Variants in FHIT observed in about 807,000 individuals in gnomAD.
FHIT encodes the protein fragile histidine triad diadenosine triphosphatase.
Under a neutral mutation model 17.9 loss-of-function variants are expected in FHIT, and 19 were observed. The ratio of observed to expected loss-of-function variants is 1.06; its 90% CI spans 0.74 to 1.56. The LOEUF (loss-of-function observed/expected upper bound fraction) is 1.56, where lower values mean the gene tolerates loss of function less well. FHIT is among the 40% of genes most tolerant of loss of function. The probability of loss-of-function intolerance (pLI) is 0.00; values close to 1 mark genes in which losing one functional copy is unlikely to be tolerated. For missense variants in FHIT, 248 were observed against 189.2 expected (o/e 1.31, Z -1.82); for synonymous variants, 81 against 69.7 (o/e 1.16, Z -0.81).
chr3:60,828,478 A>G (rs987831000), intron 3 of FHIT, among the ~76,000 whole-genome samples: 5 of 152,124 alleles, frequency 3.3e-5, no homozygotes, highest in African/African-American at 9.7e-5. Context: ...GCTAGGGGCT[A>G]GGGTACATAG....
At chr3:60,305,327 T>C (rs1034145072) in intron 5 of FHIT, among the ~76,000 whole-genome samples, 2 of 152,114 alleles carry the variant, frequency 1.3e-5, no homozygotes, top group Non-Finnish European at 2.9e-5. Flanking sequence ...GAGTTTGATG[T>C]AGTGGGGACA....
rs142962908 is a variant in FHIT at position 60,268,763 on chromosome 3, C to T, written c.104-254611G>A. Among the ~76,000 whole-genome samples the T allele has an allele frequency of 4.0e-3, 606 of 152,196 alleles. 5 individuals carry two copies. Among genetic ancestry groups the T allele is most frequent in the South Asian group, 0.036 (174 of 4,824 alleles). ...CTAATACTCAGAACCTCTGAATATG[C>T]TTACATGGGAAAGGGGCATTAAGGT... On this transcript the variant is annotated intron_variant, in intron 5 of 9. Coordinates refer to ENST00000492590, the MANE Select transcript of FHIT (RefSeq NM_002012.4).
chr3:60,574,587 G>T (rs1176295258), intron 4 of FHIT, among the ~76,000 whole-genome samples: 1 of 151,968 alleles, frequency 6.6e-6, no homozygotes. Context: ...AAGAATCCCA[G>T]GCTGGGAATG....
chr3:60,890,750 GC>G (rs1291823984), intron 3 of FHIT, among the ~76,000 whole-genome samples: 1 of 152,182 alleles, frequency 6.6e-6, no homozygotes, highest in Non-Finnish European at 1.5e-5. Flanking sequence ...AGAACAGACT[GC>G]CCTAGGACAG....
chr3:60,588,547 A>T (rs1344906933), intron 4 of FHIT, among the ~76,000 whole-genome samples: 1 of 152,012 alleles, frequency 6.6e-6, no homozygotes, highest in Non-Finnish European at 1.5e-5. Flanking sequence ...GAATCTTCTC[A>T]GGCTGGGGGT....
intron 2 of FHIT, among the ~76,000 whole-genome samples, chr3:61,162,777 G>C (rs1030934441): frequency 3.9e-5 from 6 of 152,086 alleles, no homozygotes; most frequent in Non-Finnish European, 5.9e-5. Flanking sequence ...ATTGTGTTCT[G>C]TTCTCTGGAG....
Position 60,728,009 on chromosome 3 carries a change from T to C in FHIT, c.-18+93910A>G, listed in dbSNP as rs2041952922. 2.6e-5 allele frequency among the ~76,000 whole-genome samples: 4 copies of C among 152,036 alleles called. No individual in the cohort carries two copies. The South Asian group carries it at 8.3e-4, about 32-fold the overall frequency. On this transcript the variant is annotated intron_variant, in intron 4 of 9. Transcript: ENST00000492590. ...ACAGGGCGAGACTCCGTCTCAAAAATAAATAAATAAAATAAAAGGAGCATA... is the reference window on the plus strand; with the variant it reads ...ACAGGGCGAGACTCCGTCTCAAAAACAAATAAATAAAATAAAAGGAGCATA...
chr3:60,661,874 T>C (rs2040255879), intron 4 of FHIT, among the ~76,000 whole-genome samples: 1 of 152,196 alleles, frequency 6.6e-6, no homozygotes, highest in African/African-American at 2.4e-5. Flanking sequence ...TCTATTCATG[T>C]CTTTAGCCCA....
chr3:60,859,772 G>A (rs577323801), intron 3 of FHIT, among the ~76,000 whole-genome samples: 7 of 85,874 alleles, frequency 8.2e-5, no homozygotes, highest in East Asian at 3.2e-4. Flanking sequence ...TGCCGAGCAC[G>A]GTGGCTCATG....
intron 5 of FHIT, among the ~76,000 whole-genome samples, chr3:60,113,773 G>C (rs1166041940): frequency 6.6e-6 from 1 of 150,426 alleles, no homozygotes; most frequent in African/African-American, 2.5e-5. Context: ...AGGCCGAGGC[G>C]AGCGGATCAC....
rs565118592 is a variant in FHIT at position 60,991,415 on chromosome 3, G to A, written c.-111+50632C>T. 5.3e-5 allele frequency among the ~76,000 whole-genome samples: 8 copies of A among 152,326 alleles called. No individual in the cohort carries two copies. The East Asian group carries it at 5.8e-4, about 11-fold the overall frequency. On this transcript the variant is annotated intron_variant, in intron 3 of 9. Coordinates refer to ENST00000492590, the MANE Select transcript of FHIT (RefSeq NM_002012.4). The stretch of plus-strand genomic sequence containing the variant: ...TATATTAATGACAAGGACAGCCACC[G>A]AAGGTTCAAATCTCGGAAATGATAG...
chr3:61,195,406 T>C (rs1042933493), intron 2 of FHIT, among the ~76,000 whole-genome samples: 1 of 152,190 alleles, frequency 6.6e-6, no homozygotes, highest in Admixed American at 6.5e-5. Flanking sequence ...CTGAGAGCAC[T>C]GAGCAAGACA....
chr3:60,702,705 A>T (rs1033145131), intron 4 of FHIT, among the ~76,000 whole-genome samples: 1 of 152,072 alleles, frequency 6.6e-6, no homozygotes, highest in Non-Finnish European at 1.5e-5. Context: ...TCTTCGCTTA[A>T]TTTTTTTGTT....
At chr3:59,933,212 A>G (rs1469213194) in intron 7 of FHIT, among the ~76,000 whole-genome samples, 7 of 152,186 alleles carry the variant, frequency 4.6e-5, no homozygotes, top group Non-Finnish European at 2.9e-5. Flanking sequence ...GCTGGTAAAT[A>G]AATCCCCCAA....
At chr3:61,120,468 A>G (rs1234756412) in intron 2 of FHIT, among the ~76,000 whole-genome samples, 1 of 152,224 alleles carries the variant, frequency 6.6e-6, no homozygotes, top group Non-Finnish European at 1.5e-5. Context: ...TTACAGAACA[A>G]TTTTCATTCA....
chr3:60,373,595 G>C (rs566565080), intron 5 of FHIT, among the ~76,000 whole-genome samples: 56 of 152,130 alleles, frequency 3.7e-4, no homozygotes, highest in Non-Finnish European at 7.2e-4. Context: ...TGTATAAGCC[G>C]TCTCCCTAGC....
intron 5 of FHIT, among the ~76,000 whole-genome samples, chr3:60,418,472 G>A (rs1702348265): frequency 7.6e-6 from 1 of 131,184 alleles, no homozygotes; most frequent in African/African-American, 2.9e-5. Flanking sequence ...CCTTACCAAG[G>A]TATTTTTCTT....
chr3:60,387,756 A>G (rs148247556), intron 5 of FHIT, among the ~76,000 whole-genome samples: 169 of 152,130 alleles, frequency 1.1e-3, no homozygotes, highest in African/African-American at 3.9e-3. Context: ...TTCCACAATC[A>G]CATCTGAAAT....
intron 3 of FHIT, among the ~76,000 whole-genome samples, chr3:60,963,184 C>T (rs1575762135): frequency 6.6e-6 from 1 of 152,044 alleles, no homozygotes; most frequent in South Asian, 2.1e-4. Context: ...GGGAATTTAT[C>T]CATTTCTTCT....
Sources: gnomAD v4.1 joint callset for allele counts (sites outside exome capture counted in the v4.1 genomes callset) on GRCh38, gnomAD v4.1.1 for gene constraint, MANE v1.5 for transcripts, NCBI Gene and HGNC (gene_info 2026-07-23, HGNC 2026-07-21) for gene names.